The following OSGIN1 variants were observed in gnomAD, a reference collection of about 807,000 sequenced individuals.
OSGIN1 encodes the protein oxidative stress-induced growth inhibitor 1.
Under a neutral mutation model 20.1 loss-of-function variants are expected in OSGIN1, and 19 were observed. The ratio of observed to expected loss-of-function variants is 0.95; its 90% confidence interval spans 0.66 to 1.39. OSGIN1 has a LOEUF of 1.39. OSGIN1 is among the 40% of genes most tolerant of loss of function. The pLI is 0.00. For missense variants in OSGIN1, 820 were observed against 653.0 expected (o/e 1.26, Z -2.79); for synonymous variants, 368 against 297.8 (o/e 1.24, Z -2.43).
At chr16:83,960,811 TC>T in intron 4 of OSGIN1, 51 bp downstream of exon 4, 1 of 1,577,368 alleles carries the variant, frequency 6.3e-7, no homozygotes, top group Non-Finnish European at 8.7e-7. Flanking sequence ...TCCCTCGTTC[TC>T]CCCACTTGGG....
At chr16:83,961,534 A>G (rs973477224) in intron 5 of OSGIN1, among the ~76,000 whole-genome samples, 2 of 152,028 alleles carry the variant, frequency 1.3e-5, no homozygotes, top group Admixed American at 1.3e-4. Context: ...TTTTCCCTTT[A>G]GCTTAGTGAT....
At position 83,959,286 on chromosome 16, in the gene OSGIN1, T is replaced by C. The variant is rs754311396; in HGVS notation, c.94T>C (p.Ser32Pro). Residue 32 changes from serine (S) to proline (P), a missense_variant, in exon 3 of 6, where the codon TCC (serine) becomes CCC (proline). Transcript: ENST00000393306. ...VGNGPSGICL[S>P]YLLSGYTPYT... ...TAACGGCCCCTCTGGTATCTGCCTG[T>C]CCTACCTGCTCTCCGGCTACACACC... 4 of 1,613,648 alleles carry C rather than the reference T, an allele frequency of 2.5e-6. No homozygotes were observed. Among genetic ancestry groups the C allele is most frequent in the Non-Finnish European group, 3.4e-6 (4 of 1,179,940 alleles).
rs148300856 is a variant in OSGIN1, at chr16:83,965,606, C to T, written c.1033C>T (p.Arg345Trp). 6.9e-5 allele frequency: 112 copies of T among 1,613,010 alleles called. No individual in the cohort carries two copies. Among genetic ancestry groups the T allele is most frequent in the African/African-American group, 4.3e-4 (32 of 74,936 alleles). Residue 345 changes from arginine (R) to tryptophan (W), a missense_variant, in exon 6 of 6, where the codon CGG (arginine) becomes TGG (tryptophan). By Grantham distance (101) the Arg-to-Trp change is moderately radical (BLOSUM62 -3). Coordinates refer to ENST00000393306, the MANE Select transcript of OSGIN1 (RefSeq NM_182981.3). ...GTACCACAAGGTGCACCAGATGATG[C>T]GGGAGCAGTCCATCCTGTCGCCCAG... is the stretch of plus-strand genomic sequence containing the variant. Reference protein sequence around the residue: ...PEYHKVHQMMREQSILSPSPY... With the variant: ...PEYHKVHQMMWEQSILSPSPY...
chr16:83,960,717 C>G lies in OSGIN1; in HGVS notation c.353C>G (p.Pro118Arg). ...AAGCACCGGAAGGAGCACGCCATCC[C>G]CCACGTGGTTCTGGGCCGGAACCTC... ...TWKHRKEHAI[P>R]HVVLGRNLPG... Residue 118 changes from proline to arginine, a missense_variant, in exon 4 of 6, where the codon CCC becomes CGC. By Grantham distance (103) the Pro-to-Arg change is moderately radical. Coordinates refer to ENST00000393306, the MANE Select transcript of OSGIN1 (RefSeq NM_182981.3). 6.2e-7 allele frequency: 1 copy of G among 1,613,498 alleles called. No homozygotes were observed. The highest frequency in any genetic ancestry group is 8.5e-7 in the Non-Finnish European group (1 of 1,180,036).
At chr16:83,959,230 C>T (rs760570526) in intron 2 of OSGIN1, 30 bp from the exon 3 acceptor site, 6 of 1,599,822 alleles carry the variant, frequency 3.8e-6, no homozygotes, top group Non-Finnish European at 5.1e-6. Flanking sequence ...GAAAAGGCCA[C>T]CCCCTTTAAC....
At chr16:83,964,929 T>C in intron 5 of OSGIN1, 133 bp from the exon 6 acceptor site, 1 of 663,806 alleles carries the variant, frequency 1.5e-6, no homozygotes, top group Non-Finnish European at 2.6e-6. Context: ...GAGGTTGAAT[T>C]ACCTGGCCTA....
rs368160574 is a variant in OSGIN1, at chr16:83,961,691, G to A, written c.488+619G>A. Among the ~76,000 whole-genome samples the A allele has an allele frequency of 3.3e-4, 50 of 152,224 alleles. 1 individual carries two copies. The highest frequency in any genetic ancestry group is 1.1e-3 in the African/African-American group (45 of 41,556). ...GGACTTGTCCACCCCACATGAGTGG[G>A]GGTGAGCAGCAGAGCTGGGCTCACC... On this transcript the variant is annotated intron_variant, in intron 5 of 5. Coordinates refer to ENST00000393306, the MANE Select transcript of OSGIN1 (RefSeq NM_182981.3).
At chr16:83,954,631 A>T (rs2151074190) in intron 1 of OSGIN1, 2 of 326,566 alleles carry the variant, frequency 6.1e-6, no homozygotes, top group South Asian at 2.3e-4. Context: ...TCTGAACGGG[A>T]AGTGACTTCT....
At chr16:83,956,149 G>A (rs1002370683) in intron 1 of OSGIN1, among the ~76,000 whole-genome samples, 1 of 152,158 alleles carries the variant, frequency 6.6e-6, no homozygotes, top group Non-Finnish European at 1.5e-5. Flanking sequence ...AAGGTCAGTT[G>A]TTGTCACTGT....
chr16:83,958,042 A>G (rs1909028723), intron 2 of OSGIN1, among the ~76,000 whole-genome samples: 1 of 151,848 alleles, frequency 6.6e-6, no homozygotes, highest in Non-Finnish European at 1.5e-5. Flanking sequence ...ATGCCCAGCT[A>G]ACTTTTGTAT....
Position 83,966,066 on chromosome 16 carries a change from G to C in OSGIN1, c.*59G>C. ...AGAGGACAGAGATGACCACATCCCTGCTGGATGCAGGACCCGTCCAAAGAT... is the reference window on the plus strand; with the variant it reads ...AGAGGACAGAGATGACCACATCCCTCCTGGATGCAGGACCCGTCCAAAGAT... On this transcript the variant is annotated 3_prime_UTR_variant, in exon 6 of 6. Transcript: ENST00000393306. The C allele has an allele frequency of 7.5e-7, 1 of 1,329,216 alleles. No individual in the cohort carries two copies. Among genetic ancestry groups the C allele is most frequent in the Non-Finnish European group, 1.0e-6 (1 of 994,212 alleles). The allele number at this position is 1,329,216 out of a possible 1,614,324, so 82.3% of individuals were successfully genotyped here. A position where few individuals can be genotyped will look rare whatever the true frequency, so the allele number is the denominator to read the frequency against.
chr16:83,960,859 C>A, intron 4 of OSGIN1, 99 bp downstream of exon 4: 1 of 1,481,628 alleles, frequency 6.7e-7, no homozygotes, highest in Non-Finnish European at 9.3e-7. Flanking sequence ...TCATTCTCCA[C>A]CCCGCAACCC....
At position 83,965,857 on chromosome 16, in the gene OSGIN1, C is replaced by G. The variant is rs755464973; in HGVS notation, c.1284C>G (p.Asp428Glu). The G allele has an allele frequency of 6.2e-7, 1 of 1,612,840 alleles. No homozygotes were observed. Among genetic ancestry groups the G allele is most frequent in the African/African-American group, 1.3e-5 (1 of 74,930 alleles). Reference sequence around the variant, plus strand: ...TGAGCGCCAAGAGGAACCCCATTGACGTGGACCCCTTCACCTACCAGAGCA... The same window carrying G: ...TGAGCGCCAAGAGGAACCCCATTGAGGTGGACCCCTTCACCTACCAGAGCA... ...QPLSAKRNPI[D>E]VDPFTYQSTR... Residue 428 changes from aspartate to glutamate, a missense_variant, in exon 6 of 6, where the codon GAC becomes GAG. Asp to Glu is a conservative substitution (Grantham distance 45). Transcript: ENST00000393306.
At chr16:83,964,948 G>A (rs921784762) in intron 5 of OSGIN1, 114 bp from the exon 6 acceptor site, 10 of 733,638 alleles carry the variant, frequency 1.4e-5, no homozygotes, top group Non-Finnish European at 2.3e-5. Flanking sequence ...TAGTCCTACA[G>A]CTACAGCCTA....
Position 83,957,662 on chromosome 16 carries a change from C to G in OSGIN1, c.-10C>G, listed in dbSNP as rs775639944. 6.3e-7 allele frequency: 1 copy of G among 1,599,970 alleles called. No homozygotes were observed. The highest frequency in any genetic ancestry group is 2.3e-5 in the East Asian group (1 of 44,074). ...CAGGTCCGCTGCCAGCCCCAAGCCCCCCACCAGCCATGAGCTCCTCCAGAA... is the reference window on the plus strand; with the variant it reads ...CAGGTCCGCTGCCAGCCCCAAGCCCGCCACCAGCCATGAGCTCCTCCAGAA... On this transcript the variant is annotated 5_prime_UTR_variant, in exon 2 of 6. Transcript: ENST00000393306.
rs371338463 is a variant in OSGIN1, at chr16:83,965,522, C to T, written c.949C>T (p.Arg317Trp). ...YNIPVIHAFR[R>W]AVDDPGLVFN... The stretch of plus-strand genomic sequence containing the variant: ...CATCCCGGTGATCCATGCCTTCCGC[C>T]GGGCCGTGGACGACCCTGGCCTGGT... Residue 317 changes from arginine to tryptophan, a missense_variant, in exon 6 of 6, where the codon CGG (arginine) becomes TGG (tryptophan). Coordinates refer to ENST00000393306, the MANE Select transcript of OSGIN1 (RefSeq NM_182981.3). The T allele has an allele frequency of 1.6e-5, 26 of 1,612,344 alleles. No homozygotes were observed. The highest frequency in any genetic ancestry group is 2.2e-5 in the South Asian group (2 of 91,094).
At chr16:83,959,105 C>T (rs971267521) in intron 2 of OSGIN1, among the ~76,000 whole-genome samples, 155 bp from the exon 3 acceptor site, 1 of 152,134 alleles carries the variant, frequency 6.6e-6, no homozygotes, top group African/African-American at 2.4e-5. Context: ...TATTATTAGG[C>T]ACAGTGTCTG....
At position 83,965,143 on chromosome 16, in the gene OSGIN1, TA is replaced by T; in HGVS notation, c.572del (p.Asn191ThrfsTer7). ...DYVVKKGLGH[N>X]FVSGAVVTAV... ...ACGTGGTCAAGAAGGGTCTGGGGCATAACTTTGTGTCCGGTGCTGTAGTCAC... is the reference window on the plus strand; with the variant it reads ...ACGTGGTCAAGAAGGGTCTGGGGCATACTTTGTGTCCGGTGCTGTAGTCAC... On this transcript the variant is annotated frameshift_variant, in exon 6 of 6. Transcript: ENST00000393306. LOFTEE classifies it low-confidence loss of function (END_TRUNC). The T allele has an allele frequency of 1.2e-6, 2 of 1,613,458 alleles. No individual in the cohort carries two copies. Among genetic ancestry groups the T allele is most frequent in the Non-Finnish European group, 1.7e-6 (2 of 1,180,008 alleles).
intron 1 of OSGIN1, among the ~76,000 whole-genome samples, chr16:83,956,231 C>T (rs972557714): frequency 2.0e-5 from 3 of 152,226 alleles, no homozygotes; most frequent in African/African-American, 7.2e-5. Flanking sequence ...CGGGACCTGC[C>T]TGGAGGTGGA....
Sources: allele counts gnomAD v4.1 joint callset (sites outside exome capture counted in the v4.1 genomes callset), GRCh38; gene constraint gnomAD v4.1.1; transcripts MANE v1.5; gene names NCBI Gene and HGNC (gene_info 2026-07-23, HGNC 2026-07-21).